Variants in PDE4D observed in about 807,000 individuals in gnomAD.
The protein encoded by PDE4D is 3',5'-cyclic-AMP phosphodiesterase 4D.
In PDE4D, 24 loss-of-function variants were observed where a neutral mutation model predicts 87.4. The ratio of observed to expected loss-of-function variants is 0.27; its 90% CI spans 0.20 to 0.39. The LOEUF is 0.39. Ranked by LOEUF, PDE4D falls within the 10% of genes least tolerant of loss-of-function variation. The probability of loss-of-function intolerance (pLI) is 1.00; values close to 1 mark genes in which losing one functional copy is unlikely to be tolerated. For synonymous variants in PDE4D, 384 were observed against 383.2 expected (o/e 1.00, Z -0.02); for missense variants, 714 against 1,041.0 (o/e 0.69, Z 4.32).
chr5:59,868,097 AAAAT>A (rs1747311489), intron 1 of PDE4D, among the ~76,000 whole-genome samples: 1 of 152,158 alleles, frequency 6.6e-6, no homozygotes, highest in Non-Finnish European at 1.5e-5. Context: ...TTGTGTCAAT[AAAAT>A]GGCTCGGAGA....
At chr5:60,167,511 G>A (rs546529703) in intron 2 of PDE4D, among the ~76,000 whole-genome samples, 8 of 151,818 alleles carry the variant, frequency 5.3e-5, no homozygotes, top group African/African-American at 1.7e-4. Flanking sequence ...CTCGTGATCC[G>A]CCCGCCTCGG....
chr5:60,337,383 A>ATG (rs1203536040), intron 1 of PDE4D, among the ~76,000 whole-genome samples: 1 of 130,460 alleles, frequency 7.7e-6, no homozygotes, highest in Non-Finnish European at 1.6e-5. Flanking sequence ...ATATATATAT[A>ATG]TATATACACA....
At chr5:59,920,553 T>A (rs1581740298) in intron 3 of PDE4D, among the ~76,000 whole-genome samples, 2 of 152,128 alleles carry the variant, frequency 1.3e-5, no homozygotes, top group Admixed American at 1.3e-4. Context: ...ACATACAGAG[T>A]TAGTTGGAAG....
chr5:59,317,059 C>A (rs1313257506), intron 1 of PDE4D, among the ~76,000 whole-genome samples: 3 of 152,184 alleles, frequency 2.0e-5, no homozygotes, highest in Non-Finnish European at 2.9e-5. Context: ...AGCTGTCAAT[C>A]CAGGCTGATA....
chr5:59,978,917 T>G (rs1458809056), intron 3 of PDE4D, among the ~76,000 whole-genome samples: 1 of 152,124 alleles, frequency 6.6e-6, no homozygotes, highest in Non-Finnish European at 1.5e-5. Context: ...TGTTAGCATT[T>G]TTTTTTTTAG....
At chr5:60,297,386 T>G (rs1291363217) in intron 1 of PDE4D, among the ~76,000 whole-genome samples, 1 of 152,174 alleles carries the variant, frequency 6.6e-6, no homozygotes, top group Non-Finnish European at 1.5e-5. Context: ...TGGATAATTT[T>G]CTAAGATCCA....
At chr5:60,079,016 A>G (rs1014626751) in intron 2 of PDE4D, among the ~76,000 whole-genome samples, 1 of 152,148 alleles carries the variant, frequency 6.6e-6, no homozygotes, top group Non-Finnish European at 1.5e-5. Context: ...ATGTAAAAGC[A>G]TTCCTATTTC....
chr5:59,801,549 C>A (rs1767127633), intron 1 of PDE4D, among the ~76,000 whole-genome samples: 1 of 152,102 alleles, frequency 6.6e-6, no homozygotes, highest in African/African-American at 2.4e-5. Context: ...TTAAATGTAA[C>A]CTATTTTCAA....
At chr5:59,181,637 T>C (rs556942574) in intron 4 of PDE4D, among the ~76,000 whole-genome samples, 1 of 149,888 alleles carries the variant, frequency 6.7e-6, no homozygotes, top group South Asian at 2.1e-4. Flanking sequence ...ACACTTCTTG[T>C]GGATCAGACA....
intron 1 of PDE4D, among the ~76,000 whole-genome samples, chr5:59,460,438 C>T (rs1800590458): frequency 6.6e-6 from 1 of 152,012 alleles, no homozygotes; most frequent in Non-Finnish European, 1.5e-5. Context: ...CAGTTGTCAC[C>T]CAACCACCAG....
intron 1 of PDE4D, among the ~76,000 whole-genome samples, chr5:60,350,665 C>T (rs776225708): frequency 6.6e-6 from 1 of 152,162 alleles, no homozygotes; most frequent in Non-Finnish European, 1.5e-5. Context: ...GGATGCAGGA[C>T]AGGTGTGGCC....
At chr5:59,763,139 A>T (rs1762376228) in intron 1 of PDE4D, among the ~76,000 whole-genome samples, 1 of 151,542 alleles carries the variant, frequency 6.6e-6, no homozygotes, top group African/African-American at 2.4e-5. Context: ...TGATGCAAAC[A>T]ATGACAAAAT....
chr5:60,184,078 T>C (rs1313225759), intron 2 of PDE4D, among the ~76,000 whole-genome samples: 9 of 152,188 alleles, frequency 5.9e-5, no homozygotes, highest in African/African-American at 1.7e-4. Context: ...ATAAAATTTT[T>C]TGCATTAAAC....
chr5:59,188,685 A>C (rs536707141), intron 3 of PDE4D, among the ~76,000 whole-genome samples: 8 of 152,328 alleles, frequency 5.3e-5, no homozygotes, highest in Admixed American at 4.6e-4. Flanking sequence ...GGCGACCCGC[A>C]CTGGGAGAGA....
intron 1 of PDE4D, among the ~76,000 whole-genome samples, chr5:59,420,063 C>T (rs984566750): frequency 2.0e-5 from 3 of 152,190 alleles, no homozygotes; most frequent in South Asian, 2.1e-4. Flanking sequence ...ATCTCCCTTG[C>T]TCTATCTCTC....
intron 1 of PDE4D, among the ~76,000 whole-genome samples, chr5:60,245,180 T>C (rs999860603): frequency 6.6e-6 from 1 of 151,844 alleles, no homozygotes; most frequent in Non-Finnish European, 1.5e-5. Flanking sequence ...AAAACAGATA[T>C]ATGAAAAGGT....
intron 1 of PDE4D, among the ~76,000 whole-genome samples, chr5:59,627,005 G>T (rs1403706464): frequency 6.6e-6 from 1 of 152,124 alleles, no homozygotes; most frequent in African/African-American, 2.4e-5. Context: ...TAGCCCAAAA[G>T]ACCTATCAGG....
intron 5 of PDE4D, among the ~76,000 whole-genome samples, chr5:59,090,414 T>C (rs577961929): frequency 3.3e-4 from 51 of 152,254 alleles, no homozygotes; most frequent in South Asian, 1.2e-3. Context: ...CACAGGGAGA[T>C]ATGTTTCCTC....
At chr5:59,368,614 C>A (rs1244745679) in intron 1 of PDE4D, among the ~76,000 whole-genome samples, 1 of 152,062 alleles carries the variant, frequency 6.6e-6, no homozygotes, top group African/African-American at 2.4e-5. Context: ...GCAGGAAAAA[C>A]CAAATTTTGG....
Sources: allele counts gnomAD v4.1 joint callset (sites outside exome capture counted in the v4.1 genomes callset), GRCh38; gene constraint gnomAD v4.1.1; transcripts MANE v1.5; gene names NCBI Gene and HGNC (gene_info 2026-07-23, HGNC 2026-07-21).